DNM3: variants seen among roughly 807,000 people sequenced by gnomAD.
DNM3 encodes dynamin-3.
DNM3 carries 47 observed loss-of-function variants against 101.6 expected under a neutral mutation model. That is an observed-to-expected ratio of 0.46 (90% CI 0.37 to 0.59). The LOEUF (loss-of-function observed/expected upper bound fraction) is 0.59. DNM3 is among the 20% of genes least tolerant of loss of function. The pLI is 0.00. For synonymous variants in DNM3, 385 were observed against 387.9 expected (o/e 0.99, Z 0.09); for missense variants, 849 against 1,085.7 (o/e 0.78, Z 3.06).
intron 15 of DNM3, among the ~76,000 whole-genome samples, chr1:172,308,220 T>G (rs2064928439): frequency 6.6e-6 from 1 of 152,188 alleles, no homozygotes; most frequent in East Asian, 1.9e-4. Context: ...TTCATTGGCA[T>G]CTCACCCTAT....
chr1:171,925,642 C>G (rs566066424), intron 2 of DNM3, among the ~76,000 whole-genome samples: 1 of 152,194 alleles, frequency 6.6e-6, no homozygotes, highest in Non-Finnish European at 1.5e-5. Context: ...AAAATTTTCT[C>G]TCATCCTGTA....
chr1:172,089,717 C>A (rs568659639), intron 12 of DNM3, among the ~76,000 whole-genome samples: 2 of 152,246 alleles, frequency 1.3e-5, no homozygotes, highest in South Asian at 4.1e-4. Context: ...TAAAGTAAAT[C>A]TACTTTTCCT....
chr1:172,388,037 C>G (rs1345062099), intron 19 of DNM3, among the ~76,000 whole-genome samples: 1 of 152,076 alleles, frequency 6.6e-6, no homozygotes, highest in Non-Finnish European at 1.5e-5. Flanking sequence ...AGTTTGAGAC[C>G]AGGCTGGCCA....
chr1:171,993,724 A>G (rs2045804530), intron 4 of DNM3, among the ~76,000 whole-genome samples: 1 of 151,776 alleles, frequency 6.6e-6, no homozygotes, highest in Non-Finnish European at 1.5e-5. Context: ...GTTGGTATGT[A>G]TGTTGGTAAG....
intron 13 of DNM3, among the ~76,000 whole-genome samples, chr1:172,129,038 A>G (rs1383992139): frequency 6.6e-6 from 1 of 152,208 alleles, no homozygotes; most frequent in Non-Finnish European, 1.5e-5. Context: ...TTCATATTTA[A>G]TATTTATTTA....
intron 4 of DNM3, among the ~76,000 whole-genome samples, chr1:172,022,216 T>TAG (rs1317209174): frequency 1.3e-5 from 2 of 152,164 alleles, no homozygotes; most frequent in African/African-American, 2.4e-5. Flanking sequence ...GATAATAGTA[T>TAG]CTATCTCTTG....
chr1:172,082,443 C>A (rs529008642), intron 12 of DNM3, among the ~76,000 whole-genome samples: 2 of 151,416 alleles, frequency 1.3e-5, no homozygotes. Context: ...ATCATGCAAA[C>A]GTTATGGTTA....
chr1:171,996,048 A>G (rs1016888285), intron 4 of DNM3, among the ~76,000 whole-genome samples: 2 of 152,098 alleles, frequency 1.3e-5, no homozygotes, highest in African/African-American at 2.4e-5. Flanking sequence ...CAGATTGAAA[A>G]CTTCTATAAA....
At chr1:172,363,752 A>G (rs1051969483) in intron 17 of DNM3, among the ~76,000 whole-genome samples, 2 of 151,772 alleles carry the variant, frequency 1.3e-5, no homozygotes, top group Admixed American at 6.6e-5. Flanking sequence ...GTTCTCCACA[A>G]TCTGACCACT....
At chr1:172,056,258 G>T (rs1245566961) in intron 10 of DNM3, among the ~76,000 whole-genome samples, 1 of 152,104 alleles carries the variant, frequency 6.6e-6, no homozygotes, top group Non-Finnish European at 1.5e-5. Flanking sequence ...TGGCAGCGAG[G>T]CTGGGGGAGG....
chr1:172,263,496 G>A lies in DNM3; in HGVS notation c.1769+9814G>A, dbSNP rs7528599. On this transcript the variant is annotated intron_variant, in intron 15 of 20. Coordinates refer to ENST00000627582, the MANE Select transcript of DNM3 (RefSeq NM_015569.5). ...TGCTAATAAAGACATATCTGAGACT[G>A]GATAATTTATAAAGAAAAAGAGATT... 6.7e-3 allele frequency among the ~76,000 whole-genome samples: 1,020 copies of A among 152,242 alleles called. 21 individuals carry two copies. Among genetic ancestry groups the A allele is most frequent in the African/African-American group, 0.023 (964 of 41,546 alleles).
chr1:172,289,841 G>A (rs1157222438), intron 15 of DNM3: 1 of 982,930 alleles, frequency 1.0e-6, no homozygotes, highest in Non-Finnish European at 1.2e-6. Flanking sequence ...AAGTGGTTTT[G>A]TTGTTCTTTC....
chr1:172,409,218 G>A lies in DNM3; in HGVS notation c.*1377G>A. 3 of 985,288 alleles carry A rather than the reference G, an allele frequency of 3.0e-6. No homozygotes were observed. Among genetic ancestry groups the A allele is most frequent in the Non-Finnish European group, 3.6e-6 (3 of 829,874 alleles). The allele number at this position is 985,288 out of a possible 1,614,324, so 61.0% of individuals were successfully genotyped here. A position where few individuals can be genotyped will look rare whatever the true frequency, so the allele number is the denominator to read the frequency against. On this transcript the variant is annotated 3_prime_UTR_variant, in exon 21 of 21. Coordinates refer to ENST00000627582, the MANE Select transcript of DNM3 (RefSeq NM_015569.5). The stretch of plus-strand genomic sequence containing the variant: ...GCAGAGCAAGTATTCACTGAGTAGG[G>A]GTGTCCCATGACACTATTTCATATT...
At chr1:171,918,477 G>A (rs2039898090) in intron 1 of DNM3, among the ~76,000 whole-genome samples, 1 of 152,190 alleles carries the variant, frequency 6.6e-6, no homozygotes, top group Admixed American at 6.5e-5. Context: ...CCATCAGAAG[G>A]AGACATATCT....
chr1:171,847,427 G>A (rs1239279461), intron 1 of DNM3, among the ~76,000 whole-genome samples: 2 of 152,080 alleles, frequency 1.3e-5, no homozygotes, highest in Admixed American at 6.6e-5. Context: ...CAGGAAGGTG[G>A]TGATCTGTGT....
intron 10 of DNM3, among the ~76,000 whole-genome samples, chr1:172,054,362 T>G (rs1004902667): frequency 6.6e-6 from 1 of 152,238 alleles, no homozygotes; most frequent in South Asian, 2.1e-4. Context: ...TTATGAGCTA[T>G]TTGGCTTCAT....
At chr1:172,224,849 G>A (rs1272568695) in intron 14 of DNM3, among the ~76,000 whole-genome samples, 1 of 152,174 alleles carries the variant, frequency 6.6e-6, no homozygotes, top group African/African-American at 2.4e-5. Flanking sequence ...CAGGGTGCGA[G>A]CCCAGGATCC....
intron 1 of DNM3, among the ~76,000 whole-genome samples, chr1:171,917,153 T>G (rs757797912): frequency 2.0e-5 from 3 of 152,222 alleles, no homozygotes; most frequent in Non-Finnish European, 2.9e-5. Context: ...TAGGAAACTA[T>G]GAGTTATGCC....
At chr1:172,048,574 A>T (rs752857271) in intron 9 of DNM3, 38 bp from the exon 10 acceptor site, 2 of 1,564,064 alleles carry the variant, frequency 1.3e-6, no homozygotes, top group Admixed American at 2.1e-5. Context: ...TTACTCAATT[A>T]AAAAAATCTC....
Sources: allele counts gnomAD v4.1 joint callset (sites outside exome capture counted in the v4.1 genomes callset), GRCh38; gene constraint gnomAD v4.1.1; transcripts MANE v1.5; gene names NCBI Gene and HGNC (gene_info 2026-07-23, HGNC 2026-07-21).